MAMDC2: variants seen among roughly 807,000 people sequenced by gnomAD.
MAMDC2 encodes the protein MAM domain-containing protein 2.
Under a neutral mutation model 89.8 loss-of-function variants are expected in MAMDC2, and 57 were observed. That is an observed-to-expected ratio of 0.63 (90% CI 0.51 to 0.79). The LOEUF is 0.79. Among genes scored for constraint, MAMDC2 ranks in the 30% least tolerant of loss-of-function variants. The pLI, the probability that MAMDC2 is intolerant of heterozygous loss-of-function variation, is 0.00. For missense variants in MAMDC2, 800 were observed against 820.6 expected (o/e 0.97, Z 0.31); for synonymous variants, 313 against 293.4 (o/e 1.07, Z -0.68).
At chr9:70,134,752 G>A (rs2030942475) in intron 7 of MAMDC2, among the ~76,000 whole-genome samples, 2 of 152,272 alleles carry the variant, frequency 1.3e-5, no homozygotes, top group South Asian at 4.1e-4. Context: ...GTGCCCCCAA[G>A]GGTCTCCACA....
At chr9:70,201,942 CT>C (rs958280120) in intron 11 of MAMDC2, among the ~76,000 whole-genome samples, 1 of 146,560 alleles carries the variant, frequency 6.8e-6, no homozygotes, top group African/African-American at 2.5e-5. Context: ...ATTCTTCTCT[CT>C]TTTTTTCTTT....
At chr9:70,163,222 T>C (rs1228000112) in intron 9 of MAMDC2, among the ~76,000 whole-genome samples, 1 of 44,318 alleles carries the variant, frequency 2.3e-5, no homozygotes, top group Non-Finnish European at 4.7e-5. Flanking sequence ...AGGATATTTC[T>C]TTCTTTCTTT....
chr9:70,057,912 G>A (rs1248660101), intron 2 of MAMDC2, among the ~76,000 whole-genome samples: 2 of 152,190 alleles, frequency 1.3e-5, no homozygotes, highest in Non-Finnish European at 2.9e-5. Context: ...CCATCCAGGT[G>A]CCCTCAGCTG....
intron 11 of MAMDC2, among the ~76,000 whole-genome samples, chr9:70,176,305 C>T (rs1408958475): frequency 6.6e-6 from 1 of 152,194 alleles, no homozygotes; most frequent in Non-Finnish European, 1.5e-5. Flanking sequence ...TACATTATTT[C>T]TGGGTTATGT....
At chr9:70,082,895 T>C (rs1827684680) in intron 2 of MAMDC2, 1 of 152,136 alleles carries the variant, frequency 6.6e-6, no homozygotes, top group Non-Finnish European at 1.5e-5. Flanking sequence ...CATAATACAA[T>C]GCCACCTGCA....
chr9:70,116,515 A>T, intron 5 of MAMDC2, among the ~76,000 whole-genome samples: 1 of 152,052 alleles, frequency 6.6e-6, no homozygotes, highest in East Asian at 1.9e-4. Flanking sequence ...CCATTGATGC[A>T]TCTGCAAATG....
At chr9:70,149,974 C>T (rs773178788) in intron 9 of MAMDC2, among the ~76,000 whole-genome samples, 32 of 152,280 alleles carry the variant, frequency 2.1e-4, no homozygotes, top group Non-Finnish European at 4.3e-4. Flanking sequence ...TGCTGGGAGA[C>T]GTTCCTGTGA....
At chr9:70,191,624 TAGAATAGAGCAAGTCACCTCAGTCCAATC>T (rs1309126766) in intron 11 of MAMDC2, among the ~76,000 whole-genome samples, 1 of 152,064 alleles carries the variant, frequency 6.6e-6, no homozygotes, top group Non-Finnish European at 1.5e-5. Flanking sequence ...AGTAGACAAC[TAGAATAGAGCAAGTCACCTCAGTCCAATC>T]AGAACTAAGC....
intron 2 of MAMDC2, among the ~76,000 whole-genome samples, chr9:70,084,188 AAT>A: frequency 6.6e-6 from 1 of 152,070 alleles, no homozygotes; most frequent in South Asian, 2.1e-4. Flanking sequence ...ATAACCCTTA[AAT>A]CTCTCACTCA....
At chr9:70,059,153 G>T (rs945207055) in intron 2 of MAMDC2, among the ~76,000 whole-genome samples, 1 of 152,164 alleles carries the variant, frequency 6.6e-6, no homozygotes. Context: ...AACGGGTAGC[G>T]AGGTGAAGCA....
intron 11 of MAMDC2, among the ~76,000 whole-genome samples, chr9:70,203,284 G>A (rs1385332278): frequency 1.3e-5 from 2 of 151,756 alleles, no homozygotes; most frequent in Non-Finnish European, 1.5e-5. Context: ...TTGCTTGTCT[G>A]TAAAGTATTT....
chr9:70,099,587 C>T (rs1352557524), intron 2 of MAMDC2, among the ~76,000 whole-genome samples: 1 of 152,104 alleles, frequency 6.6e-6, no homozygotes, highest in East Asian at 1.9e-4. Context: ...CATAAAAAGA[C>T]ATGCCCATAG....
intron 5 of MAMDC2, among the ~76,000 whole-genome samples, chr9:70,123,420 T>G (rs1485834960): frequency 6.6e-6 from 1 of 152,172 alleles, no homozygotes; most frequent in Non-Finnish European, 1.5e-5. Flanking sequence ...TTTGATTCTA[T>G]CCAGTCTGTC....
At chr9:70,117,643 T>C (rs2030072380) in intron 5 of MAMDC2, among the ~76,000 whole-genome samples, 1 of 152,096 alleles carries the variant, frequency 6.6e-6, no homozygotes, top group Non-Finnish European at 1.5e-5. Flanking sequence ...AAAACAGTCA[T>C]TAACCTCAAA....
chr9:70,045,391 G>GT (rs1437324094), intron 2 of MAMDC2, among the ~76,000 whole-genome samples: 6 of 151,912 alleles, frequency 3.9e-5, no homozygotes, highest in South Asian at 4.1e-4. Flanking sequence ...AGTTTTTTTT[G>GT]TTTTTTGTTT....
intron 2 of MAMDC2, among the ~76,000 whole-genome samples, chr9:70,062,065 C>G (rs1363727219): frequency 6.6e-6 from 1 of 152,172 alleles, no homozygotes; most frequent in Non-Finnish European, 1.5e-5. Context: ...CAGCAGTCTA[C>G]CCAATAGGGA....
intron 4 of MAMDC2, among the ~76,000 whole-genome samples, chr9:70,111,859 T>C (rs1828518904): frequency 6.6e-6 from 1 of 152,186 alleles, no homozygotes; most frequent in Non-Finnish European, 1.5e-5. Context: ...CTAGTAACAG[T>C]GATGATTCAG....
intron 9 of MAMDC2, among the ~76,000 whole-genome samples, chr9:70,163,309 ACCTTT>A (rs1409591374): frequency 8.0e-5 from 12 of 149,366 alleles, no homozygotes; most frequent in Non-Finnish European, 1.8e-4. Flanking sequence ...CCTCACTGCA[ACCTTT>A]GCCTCCTGGG....
intron 9 of MAMDC2, chr9:70,147,926 A>T (rs1271153688): frequency 6.6e-6 from 1 of 150,442 alleles, no homozygotes; most frequent in Non-Finnish European, 1.5e-5. Flanking sequence ...TCCTTGGATG[A>T]GAACCATTGG....
Sources: gnomAD v4.1 joint callset for allele counts (sites outside exome capture counted in the v4.1 genomes callset) on GRCh38, gnomAD v4.1.1 for gene constraint, MANE v1.5 for transcripts, NCBI Gene and HGNC (gene_info 2026-07-23, HGNC 2026-07-21) for gene names.